The following NME9 variants were observed in gnomAD, a reference collection of about 807,000 sequenced individuals.
NME9 encodes NME/NM23 family member 9.
In NME9, 48 loss-of-function variants were observed where a neutral mutation model predicts 44.4. The ratio of observed to expected loss-of-function variants is 1.08; its 90% CI spans 0.86 to 1.37. The LOEUF (loss-of-function observed/expected upper bound fraction) is 1.37. NME9 is among the 40% of genes most tolerant of loss of function. NME9 has a pLI of 0.00. For missense variants in NME9, 325 were observed against 405.2 expected (o/e 0.80, Z 1.70); for synonymous variants, 139 against 147.1 (o/e 0.94, Z 0.40).
chr3:138,276,777 G>A (rs2049336835), intron 8 of NME9, among the ~76,000 whole-genome samples: 1 of 152,058 alleles, frequency 6.6e-6, no homozygotes, highest in African/African-American at 2.4e-5. Flanking sequence ...CCAAATAAAT[G>A]GAGAGATATA....
In NME9 at chr3:138,329,288, C is replaced by G. The variant is rs1158101823; in HGVS notation, c.33+15G>C. ...CCCAACCCAGAGCTGGAAGCTAGCGCCCCTTGAGGCTTACCTGCAGGGCAA... is the reference window on the plus strand; with the variant it reads ...CCCAACCCAGAGCTGGAAGCTAGCGGCCCTTGAGGCTTACCTGCAGGGCAA... On this transcript the variant is annotated intron_variant, in intron 1 of 10. Coordinates refer to ENST00000333911, the MANE Select transcript of NME9 (RefSeq NM_001349018.2). 6.5e-7 allele frequency: 1 copy of G among 1,535,186 alleles called. No individual in the cohort carries two copies. Among genetic ancestry groups the G allele is most frequent in the African/African-American group, 1.4e-5 (1 of 73,036 alleles).
chr3:138,284,565 AG>A, intron 8 of NME9: 1 of 1,423,826 alleles, frequency 7.0e-7, no homozygotes, highest in Non-Finnish European at 9.9e-7. Flanking sequence ...ATTAGAATGC[AG>A]GGACTGTTGC....
intron 8 of NME9, among the ~76,000 whole-genome samples, chr3:138,272,207 G>A (rs1338774032): frequency 7.9e-5 from 12 of 152,118 alleles, no homozygotes; most frequent in Non-Finnish European, 5.9e-5. Flanking sequence ...CCATAGTATT[G>A]TGAACACAAG....
chr3:138,276,605 G>T (rs547991777), intron 8 of NME9, among the ~76,000 whole-genome samples: 1 of 152,262 alleles, frequency 6.6e-6, no homozygotes, highest in South Asian at 2.1e-4. Flanking sequence ...GATAGAAAAG[G>T]CAGTTGTATT....
chr3:138,284,439 C>T, intron 8 of NME9: 1 of 1,612,500 alleles, frequency 6.2e-7, no homozygotes, highest in Non-Finnish European at 8.5e-7. Context: ...AGACACTGTG[C>T]ATCTTAGCCA....
chr3:138,274,306 CTG>C (rs2049067561), intron 8 of NME9: 1 of 586,740 alleles, frequency 1.7e-6, no homozygotes, highest in Non-Finnish European at 3.0e-6. Flanking sequence ...ATAATAAACA[CTG>C]TTCTTTGGCA....
chr3:138,280,903 C>T (rs1475724964), intron 8 of NME9, among the ~76,000 whole-genome samples: 1 of 152,192 alleles, frequency 6.6e-6, no homozygotes, highest in Non-Finnish European at 1.5e-5. Context: ...GCTGGGATTA[C>T]AGGCATCAGC....
In NME9 at chr3:138,282,291, T is replaced by C. The variant is rs145883543; in HGVS notation, c.746-19705A>G. Reference sequence around the variant, plus strand: ...CAGAACTAGAAGGAATGTGGTATTGTGAGTCTGGTGTTGCCACATTTGGAT... The same window carrying C: ...CAGAACTAGAAGGAATGTGGTATTGCGAGTCTGGTGTTGCCACATTTGGAT... On this transcript the variant is annotated intron_variant, in intron 8 of 8. Transcript: ENST00000317876. 7.1e-4 allele frequency among the ~76,000 whole-genome samples: 108 copies of C among 152,324 alleles called. 1 individual carries two copies. The highest frequency in any genetic ancestry group is 2.3e-3 in the African/African-American group (97 of 41,584).
At chr3:138,290,396 G>A in intron 8 of NME9, 1 of 612,372 alleles carries the variant, frequency 1.6e-6, no homozygotes, top group South Asian at 2.0e-5. Context: ...AGCATGAGCG[G>A]GTCCAACTAC....
At chr3:138,265,780 G>A (rs2048221561) in intron 8 of NME9, among the ~76,000 whole-genome samples, 2 of 152,202 alleles carry the variant, frequency 1.3e-5, no homozygotes, top group Admixed American at 6.5e-5. Context: ...AAGTGGAAGA[G>A]TTAGACCAAT....
chr3:138,277,998 C>T (rs1386857455), intron 8 of NME9, among the ~76,000 whole-genome samples: 2 of 152,094 alleles, frequency 1.3e-5, no homozygotes, highest in African/African-American at 2.4e-5. Context: ...ATGCCAGATA[C>T]AATACAAAAG....
chr3:138,290,499 G>A, intron 8 of NME9: 2 of 1,354,452 alleles, frequency 1.5e-6, no homozygotes, highest in East Asian at 4.9e-5. Flanking sequence ...ATCAAAGAGA[G>A]CATTTGCCTG....
intron 8 of NME9, among the ~76,000 whole-genome samples, chr3:138,295,023 G>A (rs189519382): frequency 3.8e-4 from 58 of 151,564 alleles, no homozygotes; most frequent in African/African-American, 1.2e-3. Flanking sequence ...CTCAGCCTCC[G>A]AAGTGGTTGG....
chr3:138,306,532 G>T, intron 6 of NME9, 52 bp from the exon 7 acceptor site: 1 of 1,109,752 alleles, frequency 9.0e-7, no homozygotes, highest in Non-Finnish European at 1.3e-6. Context: ...CTCCTGAGAG[G>T]CCATCCACAA....
intron 8 of NME9, chr3:138,273,239 C>T: frequency 9.4e-7 from 1 of 1,065,662 alleles, no homozygotes. Context: ...TGCCCCCTTC[C>T]AAAGAAACAA....
At chr3:138,306,589 G>T in intron 6 of NME9, 109 bp from the exon 7 acceptor site, 1 of 684,670 alleles carries the variant, frequency 1.5e-6, no homozygotes, top group Non-Finnish European at 2.6e-6. Context: ...CAAGTGCCAG[G>T]CACAGGCTTG....
At chr3:138,270,217 T>A in intron 8 of NME9, 1 of 1,084,990 alleles carries the variant, frequency 9.2e-7, no homozygotes. Flanking sequence ...TTATTTGAAA[T>A]GTCTGGAATT....
At position 138,301,497 on chromosome 3, in the gene NME9, G is replaced by C; in HGVS notation, c.*143C>G. 2 of 1,430,624 alleles carry C rather than the reference G, an allele frequency of 1.4e-6. No homozygotes were observed. Among genetic ancestry groups the C allele is most frequent in the Non-Finnish European group, 1.8e-6 (2 of 1,090,920 alleles). 88.6% of individuals were successfully genotyped at this position (1,430,624 alleles called of 1,614,324 possible). ...TGGGATTACAGGTGTGAGTCACTGCGCCCAGCCATATTATTTTCATTGTCT... is the reference window on the plus strand; with the variant it reads ...TGGGATTACAGGTGTGAGTCACTGCCCCCAGCCATATTATTTTCATTGTCT... On this transcript the variant is annotated 3_prime_UTR_variant, in exon 11 of 11. Transcript: ENST00000333911.
chr3:138,274,438 T>C (rs777732236), intron 8 of NME9: 2 of 1,539,084 alleles, frequency 1.3e-6, no homozygotes, highest in Admixed American at 3.5e-5. Flanking sequence ...GGATTTCCCA[T>C]TGTTTTACAG....
Sources: gnomAD v4.1 joint callset for allele counts (sites outside exome capture counted in the v4.1 genomes callset) on GRCh38, gnomAD v4.1.1 for gene constraint, MANE v1.5 for transcripts, NCBI Gene and HGNC (gene_info 2026-07-23, HGNC 2026-07-21) for gene names.